Variants in ADAMTSL1 observed in about 807,000 individuals in gnomAD.
ADAMTSL1 encodes ADAMTS-like protein 1.
In ADAMTSL1, 126 loss-of-function variants were observed where a neutral mutation model predicts 201.8. The observed-to-expected ratio is 0.62, with a 90% CI of 0.54 to 0.72. The LOEUF (loss-of-function observed/expected upper bound fraction) is 0.72, where lower values mean the gene tolerates loss of function less well. Among genes scored for constraint, ADAMTSL1 ranks in the 30% least tolerant of loss-of-function variants. The pLI is 0.00. For synonymous variants in ADAMTSL1, 1,121 were observed against 903.4 expected, an observed-to-expected ratio of 1.24 and a Z score of -4.32; for missense variants, 2,679 against 2,277.8, an observed-to-expected ratio of 1.18 and a Z score of -3.59.
chr9:18,779,795 C>G (rs1418108395), intron 19 of ADAMTSL1, among the ~76,000 whole-genome samples: 1 of 152,156 alleles, frequency 6.6e-6, no homozygotes, highest in Non-Finnish European at 1.5e-5. Flanking sequence ...TCAGTCCTAT[C>G]GGTGCACCTG....
intron 1 of ADAMTSL1, among the ~76,000 whole-genome samples, chr9:17,941,617 A>G (rs777266715): frequency 1.3e-5 from 2 of 152,084 alleles, no homozygotes; most frequent in Non-Finnish European, 2.9e-5. Context: ...TCATTTTTCA[A>G]AGAGCTTTTG....
intron 1 of ADAMTSL1, among the ~76,000 whole-genome samples, chr9:18,144,380 A>G (rs925939355): frequency 6.6e-6 from 1 of 151,716 alleles, no homozygotes; most frequent in Non-Finnish European, 1.5e-5. Flanking sequence ...TAATTTTTGT[A>G]TTTTTAGTAG....
At chr9:18,396,258 G>T (rs572951004) in intron 2 of ADAMTSL1, among the ~76,000 whole-genome samples, 1 of 152,238 alleles carries the variant, frequency 6.6e-6, no homozygotes, top group South Asian at 2.1e-4. Context: ...CAATATGGAA[G>T]TAGTCAGAAG....
intron 1 of ADAMTSL1, among the ~76,000 whole-genome samples, chr9:18,036,857 G>C (rs1563962547): frequency 6.6e-6 from 1 of 152,102 alleles, no homozygotes; most frequent in South Asian, 2.1e-4. Context: ...TTCTTTTAGA[G>C]TTTCCTTATG....
At chr9:18,490,493 G>C (rs991650312) in intron 1 of ADAMTSL1, among the ~76,000 whole-genome samples, 10 of 152,176 alleles carry the variant, frequency 6.6e-5, no homozygotes, top group Non-Finnish European at 8.8e-5. Flanking sequence ...GATGTGCTGA[G>C]TTTAAAGTAT....
intron 1 of ADAMTSL1, among the ~76,000 whole-genome samples, chr9:18,115,330 C>A (rs1359342824): frequency 6.6e-6 from 1 of 152,094 alleles, no homozygotes; most frequent in African/African-American, 2.4e-5. Context: ...ATGCTGCAGG[C>A]AATTTCTGGA....
intron 1 of ADAMTSL1, among the ~76,000 whole-genome samples, chr9:17,957,160 T>C (rs1259426246): frequency 6.6e-6 from 1 of 152,122 alleles, no homozygotes; most frequent in Non-Finnish European, 1.5e-5. Context: ...TGGATATAGA[T>C]ATAAACTTAT....
intron 23 of ADAMTSL1, among the ~76,000 whole-genome samples, chr9:18,851,700 A>G (rs7041494): frequency 0.92 from 140,418 of 152,218 alleles, 65,026 homozygotes; most frequent in African/African-American, 0.98. Context: ...GTGGGCTGTC[A>G]GCATGAGCAG....
intron 23 of ADAMTSL1, among the ~76,000 whole-genome samples, chr9:18,863,259 G>T (rs1374574361): frequency 6.6e-6 from 1 of 152,116 alleles, no homozygotes; most frequent in Non-Finnish European, 1.5e-5. Flanking sequence ...AAAATGCAAG[G>T]CCTTAATCAA....
intron 1 of ADAMTSL1, among the ~76,000 whole-genome samples, chr9:17,980,367 G>A (rs994990079): frequency 6.6e-6 from 1 of 151,848 alleles, no homozygotes; most frequent in Non-Finnish European, 1.5e-5. Context: ...TTTGCCTCCT[G>A]TGTCACATTT....
intron 1 of ADAMTSL1, among the ~76,000 whole-genome samples, chr9:17,969,002 A>G (rs1588494907): frequency 6.6e-6 from 1 of 151,798 alleles, no homozygotes; most frequent in African/African-American, 2.4e-5. Flanking sequence ...TTTGAATCCT[A>G]CTTCAGGAGT....
chr9:18,270,931 G>A (rs1249559539), intron 2 of ADAMTSL1, among the ~76,000 whole-genome samples: 2 of 152,142 alleles, frequency 1.3e-5, no homozygotes, highest in Non-Finnish European at 2.9e-5. Flanking sequence ...GAAGACTCTA[G>A]GACCCTAAGA....
intron 1 of ADAMTSL1, among the ~76,000 whole-genome samples, chr9:18,045,285 C>T (rs1350213957): frequency 6.6e-6 from 1 of 152,068 alleles, no homozygotes; most frequent in African/African-American, 2.4e-5. Flanking sequence ...TCTCTGGATA[C>T]ATGTATACTG....
At chr9:18,064,964 T>TGCTAAAGA (rs1822629580) in intron 1 of ADAMTSL1, among the ~76,000 whole-genome samples, 1 of 26,890 alleles carries the variant, frequency 3.7e-5, no homozygotes, top group Non-Finnish European at 8.7e-5. Flanking sequence ...ATTTTTTTTT[T>TGCTAAAGA]TTTTTTTTTT....
chr9:18,252,588 A>C (rs894436622), intron 2 of ADAMTSL1, among the ~76,000 whole-genome samples: 9 of 152,210 alleles, frequency 5.9e-5, no homozygotes, highest in African/African-American at 2.2e-4. Flanking sequence ...AATGACAGGA[A>C]GAAAAAAGTC....
chr9:18,801,757 C>T (rs1822820784), intron 20 of ADAMTSL1, among the ~76,000 whole-genome samples: 1 of 152,100 alleles, frequency 6.6e-6, no homozygotes, highest in South Asian at 2.1e-4. Context: ...TTTTCTTTAG[C>T]CAGTCTGTCA....
chr9:18,299,976 C>G (rs1430024603), intron 2 of ADAMTSL1, among the ~76,000 whole-genome samples: 2 of 152,124 alleles, frequency 1.3e-5, no homozygotes, highest in Non-Finnish European at 2.9e-5. Context: ...TTCAAAACTC[C>G]AAGTGAAGAA....
At chr9:18,558,771 G>T (rs1041257833) in intron 3 of ADAMTSL1, among the ~76,000 whole-genome samples, 2 of 151,782 alleles carry the variant, frequency 1.3e-5, no homozygotes, top group Admixed American at 6.6e-5. Context: ...GTGATGATGA[G>T]TTTTTTTTCG....
intron 23 of ADAMTSL1, among the ~76,000 whole-genome samples, chr9:18,851,376 A>C (rs1826482005): frequency 6.6e-6 from 1 of 152,160 alleles, no homozygotes; most frequent in Non-Finnish European, 1.5e-5. Flanking sequence ...TCCCCTGGAA[A>C]TTCTATTTCC....
Sources: gnomAD v4.1 joint callset for allele counts (sites outside exome capture counted in the v4.1 genomes callset) on GRCh38, gnomAD v4.1.1 for gene constraint, MANE v1.5 for transcripts, NCBI Gene and HGNC (gene_info 2026-07-23, HGNC 2026-07-21) for gene names.